Variants in MACROD2 observed in about 807,000 individuals in gnomAD.
MACROD2 encodes mono-ADP ribosylhydrolase 2.
MACROD2 carries 36 observed loss-of-function variants against 70.4 expected under a neutral mutation model. That is an observed-to-expected ratio of 0.51 (90% CI 0.39 to 0.68). The LOEUF (loss-of-function observed/expected upper bound fraction) is 0.68. MACROD2 is among the 30% of genes least tolerant of loss of function. The probability of loss-of-function intolerance (pLI) is 0.00; values close to 1 mark genes in which losing one functional copy is unlikely to be tolerated. For missense variants in MACROD2, 496 were observed against 538.4 expected (o/e 0.92, Z 0.78); for synonymous variants, 172 against 178.8 (o/e 0.96, Z 0.30).
At chr20:15,893,328 G>A (rs2064918539) in intron 10 of MACROD2, among the ~76,000 whole-genome samples, 1 of 152,236 alleles carries the variant, frequency 6.6e-6, no homozygotes, top group African/African-American at 2.4e-5. Context: ...GTCAAGATTT[G>A]CATGTGATGA....
chr20:14,511,334 G>A (rs574522231), intron 4 of MACROD2, among the ~76,000 whole-genome samples: 1 of 152,220 alleles, frequency 6.6e-6, no homozygotes, highest in South Asian at 2.1e-4. Flanking sequence ...CATTCTCCAT[G>A]ATGCTGTTAT....
chr20:14,808,040 A>G (rs1053241405), intron 5 of MACROD2, among the ~76,000 whole-genome samples: 2 of 152,112 alleles, frequency 1.3e-5, no homozygotes, highest in African/African-American at 4.8e-5. Flanking sequence ...ATCCAGGAGA[A>G]CTTCCCCAAC....
chr20:14,229,064 C>T (rs985335266), intron 3 of MACROD2, among the ~76,000 whole-genome samples: 1 of 151,804 alleles, frequency 6.6e-6, no homozygotes, highest in Admixed American at 6.6e-5. Flanking sequence ...GATGTCTGTT[C>T]TTTCCAACTA....
chr20:14,530,307 CCAA>C (rs2085287131), intron 4 of MACROD2, among the ~76,000 whole-genome samples: 3 of 152,118 alleles, frequency 2.0e-5, no homozygotes, highest in African/African-American at 4.8e-5. Context: ...GGATGTGAGA[CCAA>C]CAACAACTGC....
At chr20:14,267,187 C>T (rs966826553) in intron 3 of MACROD2, among the ~76,000 whole-genome samples, 4 of 152,180 alleles carry the variant, frequency 2.6e-5, no homozygotes, top group South Asian at 2.1e-4. Flanking sequence ...GCTAATAGTT[C>T]CTTACGATTT....
In MACROD2 at chr20:15,055,931, C is replaced by T. The variant is rs926538474; in HGVS notation, c.419-174009C>T. Among the ~76,000 whole-genome samples the T allele has an allele frequency of 1.6e-4, 24 of 151,686 alleles. 1 individual carries two copies. Among genetic ancestry groups the T allele is most frequent in the Admixed American group, 5.9e-4 (9 of 15,196 alleles). ...CCTCCCGAGTAGCTGGGATTATAGG[C>T]GCCCACCACCATGCACAGCTAATTT... is the stretch of plus-strand genomic sequence containing the variant. On this transcript the variant is annotated intron_variant, in intron 5 of 17. Coordinates refer to ENST00000684519, the MANE Select transcript of MACROD2 (RefSeq NM_001351661.2).
At chr20:15,516,840 G>A (rs1292156008) in intron 8 of MACROD2, among the ~76,000 whole-genome samples, 1 of 152,126 alleles carries the variant, frequency 6.6e-6, no homozygotes. Context: ...AGTGGTATCA[G>A]CAGTCTTTGT....
At chr20:15,659,239 T>C (rs1001254007) in intron 8 of MACROD2, among the ~76,000 whole-genome samples, 1 of 150,388 alleles carries the variant, frequency 6.6e-6, no homozygotes, top group African/African-American at 2.4e-5. Context: ...ATTTTTAAGA[T>C]CTTATTGTCT....
intron 6 of MACROD2, among the ~76,000 whole-genome samples, chr20:15,360,664 T>C (rs1195071877): frequency 6.6e-6 from 1 of 152,134 alleles, no homozygotes; most frequent in African/African-American, 2.4e-5. Flanking sequence ...AGCATGCATG[T>C]ACAATTTTAC....
intron 2 of MACROD2, among the ~76,000 whole-genome samples, chr20:14,054,141 C>T (rs182938382): frequency 6.6e-6 from 1 of 150,752 alleles, no homozygotes; most frequent in Non-Finnish European, 1.5e-5. Flanking sequence ...TCTGCCTCCC[C>T]CACCACATTG....
intron 5 of MACROD2, among the ~76,000 whole-genome samples, chr20:15,223,071 G>A (rs150300574): frequency 1.9e-4 from 29 of 152,230 alleles, no homozygotes; most frequent in Middle Eastern, 6.8e-3. Flanking sequence ...AAAGTGGTGC[G>A]ATAGTTATCT....
chr20:15,041,173 G>A (rs997857387), intron 5 of MACROD2, among the ~76,000 whole-genome samples: 9 of 152,166 alleles, frequency 5.9e-5, no homozygotes, highest in African/African-American at 1.9e-4. Flanking sequence ...GGAAGAAAAA[G>A]CCAATAAATG....
At chr20:14,473,299 A>G (rs944392789) in intron 3 of MACROD2, among the ~76,000 whole-genome samples, 2 of 152,038 alleles carry the variant, frequency 1.3e-5, no homozygotes, top group African/African-American at 4.8e-5. Flanking sequence ...CTCCACATCC[A>G]CCTGTAGCCT....
At chr20:15,863,492 G>T (rs1034532476) in intron 9 of MACROD2, among the ~76,000 whole-genome samples, 1 of 152,190 alleles carries the variant, frequency 6.6e-6, no homozygotes, top group Non-Finnish European at 1.5e-5. Flanking sequence ...AGCCTATTAA[G>T]GCTGAGGCTT....
At chr20:15,903,218 T>A (rs2065092345) in intron 10 of MACROD2, among the ~76,000 whole-genome samples, 1 of 152,146 alleles carries the variant, frequency 6.6e-6, no homozygotes. Context: ...GGCGCACGCC[T>A]GTAATTCCGG....
intron 3 of MACROD2, among the ~76,000 whole-genome samples, chr20:14,335,554 T>A (rs952955596): frequency 1.3e-5 from 2 of 152,210 alleles, no homozygotes; most frequent in Admixed American, 1.3e-4. Flanking sequence ...TTATTTGCTA[T>A]CCAATTATAT....
At chr20:15,509,889 C>T (rs2146509754) in intron 8 of MACROD2, among the ~76,000 whole-genome samples, 1 of 152,324 alleles carries the variant, frequency 6.6e-6, no homozygotes, top group East Asian at 1.9e-4. Flanking sequence ...TGCCTTTGAC[C>T]ATGTCTTCAT....
intron 3 of MACROD2, among the ~76,000 whole-genome samples, chr20:14,391,054 G>T (rs570958744): frequency 6.6e-6 from 1 of 152,154 alleles, no homozygotes; most frequent in Non-Finnish European, 1.5e-5. Flanking sequence ...AATTGTAGAA[G>T]ACTGTGTGAT....
intron 8 of MACROD2, among the ~76,000 whole-genome samples, chr20:15,649,108 CTTCCCTCCCCTCCCCTCCCT>C: frequency 9.5e-6 from 1 of 105,726 alleles, no homozygotes; most frequent in Non-Finnish European, 1.9e-5. Flanking sequence ...CTCCCCTCCC[CTTCCCTCCCCTCCCCTCCCT>C]TCCCTTCCCT....
Sources: allele counts gnomAD v4.1 joint callset (sites outside exome capture counted in the v4.1 genomes callset), GRCh38; gene constraint gnomAD v4.1.1; transcripts MANE v1.5; gene names NCBI Gene and HGNC (gene_info 2026-07-23, HGNC 2026-07-21).